NCALD: variants seen among roughly 807,000 people sequenced by gnomAD.
The protein encoded by NCALD is neurocalcin delta, also known as neurocalcin-delta.
Under a neutral mutation model 18.6 loss-of-function variants are expected in NCALD, and 10 were observed. The ratio of observed to expected loss-of-function variants is 0.54; its 90% CI spans 0.33 to 0.91. The LOEUF is 0.91. NCALD is among the 40% of genes least tolerant of loss of function. The pLI, the probability that NCALD is intolerant of heterozygous loss-of-function variation, is 0.03. For missense variants in NCALD, 184 were observed against 247.6 expected (o/e 0.74, Z 1.72); for synonymous variants, 88 against 87.4 (o/e 1.01, Z -0.04).
At chr8:101,931,643 T>C in intron 2 of NCALD, among the ~76,000 whole-genome samples, 1 of 149,476 alleles carries the variant, frequency 6.7e-6, no homozygotes, top group East Asian at 1.9e-4. Flanking sequence ...TTTTCCTTTC[T>C]CGTATTTTCT....
At chr8:101,814,238 C>A (rs2131155782) in intron 4 of NCALD, among the ~76,000 whole-genome samples, 1 of 152,044 alleles carries the variant, frequency 6.6e-6, no homozygotes, top group East Asian at 1.9e-4. Flanking sequence ...AACATAGATG[C>A]AAAATCTTCA....
In NCALD at chr8:101,787,396, G is replaced by A. The variant is rs77894079; in HGVS notation, c.-20+3466C>T. Among the ~76,000 whole-genome samples the A allele has an allele frequency of 6.9e-3, 1,058 of 152,250 alleles. 35 individuals carry two copies. The highest frequency in any genetic ancestry group is 0.05 in the Admixed American group (764 of 15,274). On this transcript the variant is annotated intron_variant, in intron 1 of 3. Transcript: ENST00000220931. ...ATTGCTAAGCTTCCATTTCAAATGC[G>A]AGGGATTTGGATTGAATTTAAACAA... is the stretch of plus-strand genomic sequence containing the variant.
intron 1 of NCALD, among the ~76,000 whole-genome samples, chr8:101,726,702 TAA>T (rs1360689402): frequency 6.6e-6 from 1 of 152,090 alleles, no homozygotes; most frequent in Non-Finnish European, 1.5e-5. Flanking sequence ...GTTGAATATA[TAA>T]GTCTATAGGT....
At chr8:101,830,578 C>A (rs1024769315) in intron 4 of NCALD, among the ~76,000 whole-genome samples, 2 of 151,506 alleles carry the variant, frequency 1.3e-5, no homozygotes, top group Non-Finnish European at 2.9e-5. Flanking sequence ...AATGTTTTGG[C>A]CACTTATTAG....
At chr8:102,041,617 T>G (rs1004478528) in intron 1 of NCALD, among the ~76,000 whole-genome samples, 2 of 152,232 alleles carry the variant, frequency 1.3e-5, no homozygotes, top group Non-Finnish European at 2.9e-5. Flanking sequence ...AGGAGGCTCT[T>G]TCAAAGCCAG....
chr8:102,030,064 A>G (rs575868337), intron 1 of NCALD, among the ~76,000 whole-genome samples: 6 of 152,348 alleles, frequency 3.9e-5, no homozygotes, highest in African/African-American at 1.4e-4. Flanking sequence ...TTTCCGGAAA[A>G]GGTGAACAAC....
Position 101,688,650 on chromosome 8 carries a change from T to C in NCALD, c.*659A>G, listed in dbSNP as rs1334531571. 2.2e-6 allele frequency: 1 copy of C among 460,914 alleles called. No homozygotes were observed. 28.6% of individuals were successfully genotyped at this position (460,914 alleles called of 1,614,324 possible). ...AATATGTTACCATTTGTGTTTAATT[T>C]CCAAAGACACGCATATTAGCTCAAC... On this transcript the variant is annotated 3_prime_UTR_variant, in exon 4 of 4. Transcript: ENST00000220931.
At chr8:102,008,881 G>A (rs960077308) in intron 2 of NCALD, among the ~76,000 whole-genome samples, 1 of 140,774 alleles carries the variant, frequency 7.1e-6, no homozygotes, top group Non-Finnish European at 1.5e-5. Context: ...GAATTCCCAA[G>A]CCCAGCTACC....
intron 4 of NCALD, among the ~76,000 whole-genome samples, chr8:101,850,657 G>A (rs919145168): frequency 6.6e-6 from 1 of 152,088 alleles, no homozygotes; most frequent in Non-Finnish European, 1.5e-5. Flanking sequence ...TAAATACTTG[G>A]AACAACTTTT....
At chr8:102,080,494 G>C (rs1268590679) in intron 1 of NCALD, among the ~76,000 whole-genome samples, 1 of 152,172 alleles carries the variant, frequency 6.6e-6, no homozygotes, top group Non-Finnish European at 1.5e-5. Flanking sequence ...GTCAGAGCTG[G>C]TCATAGAACT....
At chr8:102,029,661 A>G (rs1822597769) in intron 1 of NCALD, among the ~76,000 whole-genome samples, 2 of 152,178 alleles carry the variant, frequency 1.3e-5, no homozygotes, top group Non-Finnish European at 2.9e-5. Context: ...CAAAAATGAG[A>G]GAGTTAAAAT....
intron 2 of NCALD, among the ~76,000 whole-genome samples, chr8:101,965,655 T>C (rs2387332): frequency 0.56 from 84,495 of 151,956 alleles, 23,652 homozygotes; most frequent in Admixed American, 0.62. Flanking sequence ...AGGAGAAATA[T>C]CTAATGTAGA....
chr8:101,927,282 C>G (rs948773502), intron 2 of NCALD, among the ~76,000 whole-genome samples: 2 of 152,166 alleles, frequency 1.3e-5, no homozygotes, highest in Admixed American at 1.3e-4. Context: ...GAGTGTCCCA[C>G]CAACAGAAGA....
chr8:101,908,435 C>T (rs1186013073), intron 3 of NCALD, among the ~76,000 whole-genome samples: 1 of 152,082 alleles, frequency 6.6e-6, no homozygotes, highest in Non-Finnish European at 1.5e-5. Flanking sequence ...TCCTCTGACC[C>T]CACAAACAAT....
At chr8:101,873,977 T>C (rs1265919923) in intron 4 of NCALD, among the ~76,000 whole-genome samples, 1 of 152,238 alleles carries the variant, frequency 6.6e-6, no homozygotes, top group Non-Finnish European at 1.5e-5. Context: ...AAAGGTCACA[T>C]GATTTGGCCC....
chr8:101,968,505 C>T (rs1035618221), intron 2 of NCALD, among the ~76,000 whole-genome samples: 2 of 152,138 alleles, frequency 1.3e-5, no homozygotes, highest in South Asian at 4.1e-4. Flanking sequence ...CAGTGTTTGA[C>T]ACCAAGGTAC....
intron 4 of NCALD, among the ~76,000 whole-genome samples, chr8:101,859,134 C>T (rs1815437281): frequency 6.6e-6 from 1 of 152,158 alleles, no homozygotes; most frequent in African/African-American, 2.4e-5. Context: ...TAGAATAAAG[C>T]AGGCAGAAGT....
intron 1 of NCALD, among the ~76,000 whole-genome samples, chr8:101,724,255 A>G (rs2130499756): frequency 6.6e-6 from 1 of 152,350 alleles, no homozygotes; most frequent in East Asian, 1.9e-4. Flanking sequence ...AATGAGACCT[A>G]CTTGGCAGTC....
intron 1 of NCALD, among the ~76,000 whole-genome samples, chr8:102,031,514 G>A (rs1404794619): frequency 6.6e-6 from 1 of 152,122 alleles, no homozygotes; most frequent in Non-Finnish European, 1.5e-5. Flanking sequence ...TTACAAATGA[G>A]TTTGCCTTAT....
Sources: gnomAD v4.1 joint callset for allele counts (sites outside exome capture counted in the v4.1 genomes callset) on GRCh38, gnomAD v4.1.1 for gene constraint, MANE v1.5 for transcripts, NCBI Gene and HGNC (gene_info 2026-07-23, HGNC 2026-07-21) for gene names.